IL1RAPL2: variants seen among roughly 807,000 people sequenced by gnomAD.
The protein encoded by IL1RAPL2 is X-linked interleukin-1 receptor accessory protein-like 2.
Under a neutral mutation model 44.1 loss-of-function variants are expected in IL1RAPL2, and 3 were observed. That is an observed-to-expected ratio of 0.07 (90% confidence interval 0.03 to 0.18). The LOEUF is 0.18. IL1RAPL2 is among the 10% of genes least tolerant of loss of function. The pLI, the probability that IL1RAPL2 is intolerant of heterozygous loss-of-function variation, is 1.00. For synonymous variants in IL1RAPL2, 181 were observed against 178.8 expected, an observed-to-expected ratio of 1.01 and a Z score of -0.10; for missense variants, 391 against 496.4, an observed-to-expected ratio of 0.79 and a Z score of 2.02.
intron 6 of IL1RAPL2, among the ~76,000 whole-genome samples, chrX:105,489,657 C>CCTTTCTTTCTTTCTTTCTCTTTCTTTTT (rs1569447103): frequency 9.1e-6 from 1 of 109,687 alleles, no homozygotes; most frequent in East Asian, 2.9e-4. Context: ...TTCCTTCCTT[C>CCTTTCTTTCTTTCTTTCTCTTTCTTTTT]CTTTCTTTCT....
At chrX:104,894,361 T>C (rs1379878011) in intron 2 of IL1RAPL2, among the ~76,000 whole-genome samples, 1 of 112,158 alleles carries the variant, frequency 8.9e-6, no homozygotes, top group Non-Finnish European at 1.9e-5. Context: ...TTCTCCTGGA[T>C]AATATCCTGC....
chrX:104,572,929 C>T (rs1391233661), intron 1 of IL1RAPL2, among the ~76,000 whole-genome samples: 2 of 112,167 alleles, frequency 1.8e-5, no homozygotes, highest in Non-Finnish European at 3.8e-5. Context: ...ACTCTCTTGG[C>T]ACATTGTTGA....
At chrX:105,430,524 G>A (rs2035840507) in intron 5 of IL1RAPL2, among the ~76,000 whole-genome samples, 1 of 111,369 alleles carries the variant, frequency 9.0e-6, no homozygotes, top group Non-Finnish European at 1.9e-5. Context: ...TTGCTTAATA[G>A]AGTTACATAA....
chrX:104,591,625 CTTTTT>C (rs35851660), intron 1 of IL1RAPL2, among the ~76,000 whole-genome samples: 3 of 83,224 alleles, frequency 3.6e-5, no homozygotes, highest in Non-Finnish European at 7.1e-5. Context: ...CCTTCTGTGG[CTTTTT>C]TTTTTTTTTT....
intron 2 of IL1RAPL2, among the ~76,000 whole-genome samples, chrX:104,880,944 T>A (rs1469416650): frequency 8.9e-6 from 1 of 111,847 alleles, no homozygotes; most frequent in African/African-American, 3.2e-5. Flanking sequence ...TTTTGAGTCC[T>A]AAATGTTTCA....
intron 2 of IL1RAPL2, among the ~76,000 whole-genome samples, chrX:104,838,763 G>A (rs180988141): frequency 4.0e-4 from 44 of 108,791 alleles, no homozygotes; most frequent in Non-Finnish European, 5.9e-4. Flanking sequence ...ATACTATGTT[G>A]AATAGGAGTA....
intron 2 of IL1RAPL2, among the ~76,000 whole-genome samples, chrX:105,023,216 C>T (rs2031311551): frequency 9.2e-6 from 1 of 109,168 alleles, no homozygotes; most frequent in Non-Finnish European, 1.9e-5. Flanking sequence ...TAGGTCTTGC[C>T]TGATATATAA....
At chrX:105,085,794 G>T (rs141110839) in intron 2 of IL1RAPL2, among the ~76,000 whole-genome samples, 184 of 111,976 alleles carry the variant, frequency 1.6e-3, no homozygotes, top group African/African-American at 5.3e-3. Flanking sequence ...TTTACTGGAA[G>T]CCTTACTGAT....
intron 5 of IL1RAPL2, among the ~76,000 whole-genome samples, chrX:105,481,684 A>G (rs1207534096): frequency 8.9e-6 from 1 of 112,739 alleles, no homozygotes; most frequent in Non-Finnish European, 1.9e-5. Context: ...GTTTCCAGCA[A>G]ACTAAATGTC....
chrX:104,735,896 C>A (rs1309506033), intron 2 of IL1RAPL2, among the ~76,000 whole-genome samples: 1 of 111,617 alleles, frequency 9.0e-6, no homozygotes, highest in East Asian at 2.8e-4. Flanking sequence ...GTGCTCTCTG[C>A]ACTAAGTCAA....
intron 2 of IL1RAPL2, among the ~76,000 whole-genome samples, chrX:105,001,996 G>A (rs1281709669): frequency 1.8e-5 from 2 of 111,049 alleles, no homozygotes; most frequent in East Asian, 5.7e-4. Flanking sequence ...AGCAAAGGGG[G>A]TAAAAATAAA....
chrX:105,104,357 T>C (rs1040151262), intron 2 of IL1RAPL2, among the ~76,000 whole-genome samples: 8 of 111,894 alleles, frequency 7.1e-5, no homozygotes, highest in Non-Finnish European at 3.8e-5. Flanking sequence ...TTGTTATTTT[T>C]TGTGTGCATG....
chrX:104,963,490 T>A (rs2030047730), intron 2 of IL1RAPL2, among the ~76,000 whole-genome samples: 1 of 111,960 alleles, frequency 8.9e-6, no homozygotes. Context: ...CATTTCTCAT[T>A]GACATTAATA....
chrX:104,905,960 T>C (rs1267092313), intron 2 of IL1RAPL2, among the ~76,000 whole-genome samples: 7 of 110,094 alleles, frequency 6.4e-5, no homozygotes, highest in African/African-American at 2.3e-4. Flanking sequence ...TCCATTTGTT[T>C]GTATCCTCTT....
chrX:104,826,711 G>A (rs1921460222), intron 2 of IL1RAPL2, among the ~76,000 whole-genome samples: 1 of 110,312 alleles, frequency 9.1e-6, no homozygotes, highest in South Asian at 3.9e-4. Context: ...ACAGTGGGGT[G>A]TTAAATTCTC....
At chrX:104,603,149 C>G (rs1928921790) in intron 1 of IL1RAPL2, among the ~76,000 whole-genome samples, 1 of 111,521 alleles carries the variant, frequency 9.0e-6, no homozygotes, top group South Asian at 3.8e-4. Flanking sequence ...GCAATCTTTG[C>G]TGTTCTGCAG....
intron 2 of IL1RAPL2, among the ~76,000 whole-genome samples, chrX:105,158,300 A>C (rs1056774900): frequency 2.7e-5 from 3 of 111,379 alleles, no homozygotes; most frequent in Admixed American, 1.9e-4. Context: ...CGGAGCTTGC[A>C]GTGAGCCGAG....
chrX:105,317,711 A>G (rs1056115968), intron 5 of IL1RAPL2, among the ~76,000 whole-genome samples: 1 of 111,004 alleles, frequency 9.0e-6, no homozygotes, highest in Admixed American at 9.6e-5. Context: ...CAAAGACTCA[A>G]AGACTCTCTG....
chrX:105,359,973 C>T (rs2035235641), intron 5 of IL1RAPL2, among the ~76,000 whole-genome samples: 1 of 110,959 alleles, frequency 9.0e-6, no homozygotes, highest in South Asian at 3.9e-4. Flanking sequence ...ACAGAGCTGA[C>T]ATTAGAACCC....
Sources: gnomAD v4.1 joint callset for allele counts (sites outside exome capture counted in the v4.1 genomes callset) on GRCh38, gnomAD v4.1.1 for gene constraint, MANE v1.5 for transcripts, NCBI Gene and HGNC (gene_info 2026-07-23, HGNC 2026-07-21) for gene names.